VPS50: variants seen among roughly 807,000 people sequenced by gnomAD.
VPS50 encodes syndetin.
VPS50 carries 70 observed loss-of-function variants against 139.7 expected under a neutral mutation model. The observed-to-expected ratio is 0.50, with a 90% CI of 0.41 to 0.61. The LOEUF is 0.61. Among genes scored for constraint, VPS50 ranks in the 20% least tolerant of loss-of-function variants. The probability of loss-of-function intolerance (pLI) is 0.00; values close to 1 mark genes in which losing one functional copy is unlikely to be tolerated. For missense variants in VPS50, 921 were observed against 1,133.7 expected, an observed-to-expected ratio of 0.81 and a Z score of 2.69; for synonymous variants, 365 against 376.7, an observed-to-expected ratio of 0.97 and a Z score of 0.36.
chr7:93,244,404 T>G (rs925996252), intron 2 of VPS50, among the ~76,000 whole-genome samples: 2 of 151,880 alleles, frequency 1.3e-5, no homozygotes, highest in African/African-American at 4.8e-5. Context: ...TTGTGGAGAG[T>G]GTGCTTGAAT....
At chr7:93,319,702 G>C (rs776192761) in intron 20 of VPS50, among the ~76,000 whole-genome samples, 5 of 151,892 alleles carry the variant, frequency 3.3e-5, no homozygotes, top group Non-Finnish European at 5.9e-5. Context: ...TGATCTGAAG[G>C]CTCCTGTGTT....
chr7:93,233,987 G>T (rs890376139), intron 1 of VPS50, among the ~76,000 whole-genome samples: 1 of 152,308 alleles, frequency 6.6e-6, no homozygotes, highest in Middle Eastern at 3.4e-3. Context: ...CAGGAAAATT[G>T]GAAGCAGGCT....
intron 12 of VPS50, among the ~76,000 whole-genome samples, chr7:93,286,213 A>G (rs1796480770): frequency 6.6e-6 from 1 of 152,136 alleles, no homozygotes. Flanking sequence ...ATTTCAAGAT[A>G]TGTTATTTAG....
intron 8 of VPS50, among the ~76,000 whole-genome samples, chr7:93,258,973 C>T (rs1394048753): frequency 2.0e-5 from 3 of 151,958 alleles, no homozygotes; most frequent in Non-Finnish European, 4.4e-5. Flanking sequence ...TTGTGGTTTT[C>T]TGTATAATTG....
intron 2 of VPS50, among the ~76,000 whole-genome samples, chr7:93,250,773 G>GA (rs1290654711): frequency 6.6e-6 from 1 of 152,028 alleles, no homozygotes; most frequent in East Asian, 1.9e-4. Context: ...CAGAATGGGA[G>GA]AAAATGTTTG....
intron 12 of VPS50, among the ~76,000 whole-genome samples, chr7:93,280,534 A>C (rs999859518): frequency 6.6e-6 from 1 of 152,082 alleles, no homozygotes; most frequent in African/African-American, 2.4e-5. Flanking sequence ...ACATATTTAC[A>C]CCAATTTGTG....
intron 20 of VPS50, among the ~76,000 whole-genome samples, chr7:93,315,098 T>C (rs1562882931): frequency 6.6e-6 from 1 of 152,132 alleles, no homozygotes; most frequent in Non-Finnish European, 1.5e-5. Flanking sequence ...ATATCTCCTC[T>C]CTCCTATTTT....
intron 22 of VPS50, among the ~76,000 whole-genome samples, chr7:93,336,845 G>T (rs1798081913): frequency 6.8e-6 from 1 of 147,880 alleles, no homozygotes; most frequent in Admixed American, 6.8e-5. Context: ...ATAATAAAAA[G>T]TATTTTAAAT....
intron 6 of VPS50, chr7:93,257,833 A>G (rs1441525169): frequency 4.1e-6 from 1 of 244,774 alleles, no homozygotes; most frequent in Non-Finnish European, 7.7e-6. Flanking sequence ...AAGACATAAT[A>G]CAGTCTTAAT....
At chr7:93,247,821 C>G (rs1795201183) in intron 2 of VPS50, among the ~76,000 whole-genome samples, 1 of 151,996 alleles carries the variant, frequency 6.6e-6, no homozygotes, top group East Asian at 1.9e-4. Context: ...AGGTTAGTTT[C>G]TAATGATAGT....
intron 19 of VPS50, among the ~76,000 whole-genome samples, chr7:93,310,389 TAAATCAAC>T (rs1309759134): frequency 6.6e-6 from 1 of 152,064 alleles, no homozygotes; most frequent in East Asian, 1.9e-4. Flanking sequence ...GCCAGATTAT[TAAATCAAC>T]TCCTTTACCT....
chr7:93,242,941 G>T (rs1187175738), intron 2 of VPS50, among the ~76,000 whole-genome samples: 1 of 151,854 alleles, frequency 6.6e-6, no homozygotes, highest in African/African-American at 2.4e-5. Context: ...GAAAAAGGAG[G>T]GTAGTGAAGG....
chr7:93,282,347 C>A (rs1358630906), intron 12 of VPS50, among the ~76,000 whole-genome samples: 1 of 151,972 alleles, frequency 6.6e-6, no homozygotes, highest in Admixed American at 6.5e-5. Context: ...ATGTTATTTC[C>A]AGCTTTTGTC....
intron 24 of VPS50, 78 bp downstream of exon 24, chr7:93,348,885 T>G: frequency 1.0e-6 from 1 of 999,348 alleles, no homozygotes; most frequent in Non-Finnish European, 1.5e-6. Flanking sequence ...TTTTGTTGTT[T>G]TTTTTAACTG....
chr7:93,347,560 A>C, intron 23 of VPS50, among the ~76,000 whole-genome samples: 1 of 126,350 alleles, frequency 7.9e-6, no homozygotes, highest in African/African-American at 3.6e-5. Flanking sequence ...ACAATGGCAA[A>C]GACTTGGAAC....
In VPS50 at chr7:93,360,427, T is replaced by TTC. The variant is rs1491069326; in HGVS notation, c.*1991_*1992insTC. 8.9e-6 allele frequency: 1 copy of TTC among 112,602 alleles called. No homozygotes were observed. Among genetic ancestry groups the TTC allele is most frequent in the African/African-American group, 3.3e-5 (1 of 29,876 alleles). The allele number at this position is 112,602 out of a possible 1,614,324, so 7.0% of individuals were successfully genotyped here. On this transcript the variant is annotated 3_prime_UTR_variant, in exon 28 of 28. Coordinates refer to ENST00000305866, the MANE Select transcript of VPS50 (RefSeq NM_017667.4). ...AAAAGGTTTTTTTTTTTTTTTTTTT[T>TTC]CATTAAAAGGTAGCTTAATAAGTGC...
intron 12 of VPS50, among the ~76,000 whole-genome samples, chr7:93,280,355 T>C (rs1259454226): frequency 6.6e-6 from 1 of 152,168 alleles, no homozygotes; most frequent in Non-Finnish European, 1.5e-5. Flanking sequence ...GTAGGTACAT[T>C]ATTTTGAAAC....
In VPS50 at chr7:93,271,739, G is replaced by C. The variant is rs541703872; in HGVS notation, c.702+477G>C. 1.3e-4 allele frequency among the ~76,000 whole-genome samples: 19 copies of C among 151,738 alleles called. No homozygotes were observed. The South Asian group carries it at 3.9e-3, about 31-fold the overall frequency. On this transcript the variant is annotated intron_variant, in intron 10 of 27. Coordinates refer to ENST00000305866, the MANE Select transcript of VPS50 (RefSeq NM_017667.4). ...AGAGATATGTAATTATGAGCATGAA[G>C]CATGTTTTGCCTGTTACATATATTC...
At chr7:93,299,834 C>CCAAA (rs1338040977) in intron 16 of VPS50, among the ~76,000 whole-genome samples, 2 of 151,888 alleles carry the variant, frequency 1.3e-5, no homozygotes, top group African/African-American at 2.4e-5. Context: ...TTATATACAC[C>CCAAA]CAAAGAACAT....
Sources: allele counts gnomAD v4.1 joint callset (sites outside exome capture counted in the v4.1 genomes callset), GRCh38; gene constraint gnomAD v4.1.1; transcripts MANE v1.5; gene names NCBI Gene and HGNC (gene_info 2026-07-23, HGNC 2026-07-21).